Variants in AGO2 observed in about 807,000 individuals in gnomAD.
AGO2 encodes the protein argonaute RISC catalytic component 2.
A neutral mutation model predicts 102.3 loss-of-function variants in AGO2; 5 were observed. That is an observed-to-expected ratio of 0.05 (90% CI 0.03 to 0.10). The LOEUF is 0.10. AGO2 is among the 10% of genes least tolerant of loss of function. The probability of loss-of-function intolerance (pLI) is 1.00; values close to 1 mark genes in which losing one functional copy is unlikely to be tolerated. For synonymous variants in AGO2, 449 were observed against 473.1 expected, an observed-to-expected ratio of 0.95 and a Z score of 0.66; for missense variants, 541 against 1,183.7, an observed-to-expected ratio of 0.46 and a Z score of 7.97.
Position 140,584,099 on chromosome 8 carries a change from C to T in AGO2, c.215+1020G>A, listed in dbSNP as rs189253110. ...ATGTACATCTAGAATATACTAAAAA[C>T]TCTCACGGATCAATAACAAAAAGAC... On this transcript the variant is annotated intron_variant, in intron 2 of 18. Transcript: ENST00000220592. Among the ~76,000 whole-genome samples, 213 of 146,536 alleles carry T rather than the reference C, an allele frequency of 1.5e-3. 1 individual carries two copies. Among genetic ancestry groups the T allele is most frequent in the Admixed American group, 5.5e-3 (81 of 14,686 alleles).
At chr8:140,613,245 G>C (rs1353392193) in intron 1 of AGO2, among the ~76,000 whole-genome samples, 2 of 152,096 alleles carry the variant, frequency 1.3e-5, no homozygotes, top group Non-Finnish European at 2.9e-5. Context: ...ACATATCCCT[G>C]TCGACAGAAT....
At chr8:140,641,629 G>T in the AGO2 span, among the ~76,000 whole-genome samples, 5 of 152,138 alleles carry the variant, frequency 3.3e-5, no homozygotes, top group African/African-American at 1.2e-4. Context: ...TGTCACCTGG[G>T]CTGGAGTGCA....
chr8:140,529,499 A>G lies in AGO2; in HGVS notation c.*2545T>C, dbSNP rs991394920. 1 of 152,204 alleles carries G rather than the reference A, an allele frequency of 6.6e-6. No individual in the cohort carries two copies. The highest frequency in any genetic ancestry group is 1.5e-5 in the Non-Finnish European group (1 of 68,048). 9.4% of individuals were successfully genotyped at this position (152,204 alleles called of 1,614,324 possible). A position where few individuals can be genotyped will look rare whatever the true frequency, so the allele number is the denominator to read the frequency against. On this transcript the variant is annotated 3_prime_UTR_variant, in exon 19 of 19. Coordinates refer to ENST00000220592, the MANE Select transcript of AGO2 (RefSeq NM_012154.5). ...TGGTCTATTAATGTTTTTAGTATTA[A>G]AAGTTTTATAAAACAAGCATAGGGC...
At chr8:140,604,814 G>A (rs978862161) in intron 1 of AGO2, among the ~76,000 whole-genome samples, 34 of 134,732 alleles carry the variant, frequency 2.5e-4, no homozygotes, top group African/African-American at 8.7e-4. Context: ...GCGACAGAGC[G>A]AGACTCCATC....
chr8:140,591,224 A>C (rs2073742470), intron 1 of AGO2, among the ~76,000 whole-genome samples: 1 of 152,214 alleles, frequency 6.6e-6, no homozygotes, highest in South Asian at 2.1e-4. Flanking sequence ...CCTGAGTAGA[A>C]ATTATTGGAG....
intron 16 of AGO2, among the ~76,000 whole-genome samples, chr8:140,537,926 C>T (rs558581682): frequency 6.6e-6 from 1 of 152,294 alleles, no homozygotes; most frequent in African/African-American, 2.4e-5. Context: ...TTAAGCAATT[C>T]TCTTGCCTCA....
chr8:140,635,798 G>A (rs1208603818), upstream of AGO2, among the ~76,000 whole-genome samples: 1 of 143,848 alleles, frequency 7.0e-6, no homozygotes, highest in Admixed American at 6.9e-5. Context: ...CCGCGGCGGC[G>A]GCGGCGGCGG....
intron 1 of AGO2, among the ~76,000 whole-genome samples, chr8:140,632,914 T>C (rs915715321): frequency 7.9e-5 from 12 of 151,828 alleles, no homozygotes; most frequent in Non-Finnish European, 1.8e-4. Flanking sequence ...TTCTTTTTTT[T>C]TTTTTTCTTG....
At chr8:140,578,011 T>A (rs1320753150) in intron 2 of AGO2, among the ~76,000 whole-genome samples, 2 of 152,136 alleles carry the variant, frequency 1.3e-5, no homozygotes, top group Non-Finnish European at 2.9e-5. Flanking sequence ...GGGGCTACAA[T>A]GCACACCCGT....
chr8:140,638,789 G>A (rs1334192458), upstream of AGO2, among the ~76,000 whole-genome samples: 1 of 152,056 alleles, frequency 6.6e-6, no homozygotes, highest in Non-Finnish European at 1.5e-5. Flanking sequence ...TGCTCAGGTT[G>A]GTCTTGAACT....
At chr8:140,592,105 A>T (rs1362925603) in intron 1 of AGO2, 1 of 139,916 alleles carries the variant, frequency 7.1e-6, no homozygotes, top group Non-Finnish European at 1.6e-5. Context: ...GAGCAACAAG[A>T]GCAAAACTCT....
chr8:140,620,812 G>C (rs1011213305), intron 1 of AGO2, among the ~76,000 whole-genome samples: 4 of 152,092 alleles, frequency 2.6e-5, no homozygotes, highest in African/African-American at 4.8e-5. Context: ...CTGAGATTGT[G>C]CCACTGCAAG....
At chr8:140,577,997 C>T (rs933768751) in intron 2 of AGO2, among the ~76,000 whole-genome samples, 10 of 152,318 alleles carry the variant, frequency 6.6e-5, no homozygotes, top group African/African-American at 2.2e-4. Context: ...AGGCAGTGCC[C>T]TGAGGGGCTA....
At chr8:140,577,224 A>AAAAAAAG (rs1564096500) in intron 2 of AGO2, among the ~76,000 whole-genome samples, 7 of 151,530 alleles carry the variant, frequency 4.6e-5, no homozygotes, top group African/African-American at 1.2e-4. Context: ...AAAAAAAAAA[A>AAAAAAAG]AAAAGAAACA....
intron 16 of AGO2, among the ~76,000 whole-genome samples, chr8:140,536,001 G>A (rs1178767281): frequency 6.6e-6 from 1 of 152,234 alleles, no homozygotes; most frequent in East Asian, 1.9e-4. Flanking sequence ...TCCAGGCAGA[G>A]GCGCTGGGAG....
At chr8:140,596,002 TATACACACACACAC>T (rs1316763493) in intron 1 of AGO2, among the ~76,000 whole-genome samples, 1 of 131,758 alleles carries the variant, frequency 7.6e-6, no homozygotes, top group Non-Finnish European at 1.5e-5. Flanking sequence ...ATTATATATA[TATACACACACACAC>T]ATACACACAT....
chr8:140,586,640 C>G (rs1407261282), intron 1 of AGO2, among the ~76,000 whole-genome samples: 6 of 152,180 alleles, frequency 3.9e-5, no homozygotes, highest in Non-Finnish European at 8.8e-5. Context: ...CAGCAAGGAC[C>G]CTGACCGTGA....
intron 2 of AGO2, 100 bp downstream of exon 2, chr8:140,585,018 AC>A: frequency 1.6e-6 from 2 of 1,225,426 alleles, no homozygotes; most frequent in Non-Finnish European, 1.1e-6. Flanking sequence ...TCTGGAAAAA[AC>A]CCAGATGGAT....
At chr8:140,639,285 T>C (rs2074427934), upstream of AGO2, among the ~76,000 whole-genome samples, 1 of 152,062 alleles carries the variant, frequency 6.6e-6, no homozygotes, top group Non-Finnish European at 1.5e-5. Flanking sequence ...ATAGAGACCA[T>C]CCTGGCTAAC....
Sources: gnomAD v4.1 joint callset for allele counts (sites outside exome capture counted in the v4.1 genomes callset) on GRCh38, gnomAD v4.1.1 for gene constraint, MANE v1.5 for transcripts, NCBI Gene and HGNC (gene_info 2026-07-23, HGNC 2026-07-21) for gene names.